NRG3: variants seen among roughly 807,000 people sequenced by gnomAD.
The protein encoded by NRG3 is neuregulin 3.
NRG3 carries 31 observed loss-of-function variants against 66.9 expected under a neutral mutation model. The ratio of observed to expected loss-of-function variants is 0.46; its 90% CI spans 0.35 to 0.63. NRG3 has a LOEUF of 0.63. Ranked by LOEUF, NRG3 falls within the 20% of genes least tolerant of loss-of-function variation. The pLI, the probability that NRG3 is intolerant of heterozygous loss-of-function variation, is 0.00. For synonymous variants in NRG3, 393 were observed against 359.4 expected, an observed-to-expected ratio of 1.09 and a Z score of -1.06; for missense variants, 910 against 878.9, an observed-to-expected ratio of 1.04 and a Z score of -0.45.
At chr10:82,841,994 C>G (rs925751146) in intron 3 of NRG3, among the ~76,000 whole-genome samples, 4 of 152,154 alleles carry the variant, frequency 2.6e-5, no homozygotes, top group Non-Finnish European at 5.9e-5. Context: ...CATCTCGCAG[C>G]TCATCCCTCT....
At position 82,233,763 on chromosome 10, in the gene NRG3, G is replaced by A. The variant is rs570650891; in HGVS notation, c.824-124976G>A. Among the ~76,000 whole-genome samples, 14 of 152,166 alleles carry A rather than the reference G, an allele frequency of 9.2e-5. No homozygotes were observed. In the South Asian group the frequency reaches 2.9e-3, roughly 32 times the overall value. ...CCAGGAGGTCAAACCAGAAACCATT[G>A]GCTTCTTTAATTCCATTACTCTTCC... On this transcript the variant is annotated intron_variant, in intron 1 of 8. Coordinates refer to ENST00000372141, the MANE Select transcript of NRG3 (RefSeq NM_001010848.4).
At chr10:82,959,472 G>C (rs1850393863) in intron 6 of NRG3, among the ~76,000 whole-genome samples, 1 of 152,146 alleles carries the variant, frequency 6.6e-6, no homozygotes, top group Admixed American at 6.5e-5. Context: ...GAAGAAGTGA[G>C]TTCCGAGATA....
At chr10:82,771,813 T>A (rs2059722403) in intron 3 of NRG3, among the ~76,000 whole-genome samples, 1 of 152,150 alleles carries the variant, frequency 6.6e-6, no homozygotes, top group Non-Finnish European at 1.5e-5. Context: ...GCTCATTATT[T>A]TTTTTTCCTC....
chr10:82,572,105 A>G (rs141737471), intron 2 of NRG3, among the ~76,000 whole-genome samples: 356 of 151,886 alleles, frequency 2.3e-3, no homozygotes, highest in African/African-American at 8.1e-3. Context: ...AAATTTCTAA[A>G]GCTAAGGATT....
At chr10:82,258,120 C>T (rs1405900071) in intron 1 of NRG3, among the ~76,000 whole-genome samples, 1 of 152,132 alleles carries the variant, frequency 6.6e-6, no homozygotes, top group Non-Finnish European at 1.5e-5. Flanking sequence ...TAATAGTTGT[C>T]CAGATGCAGC....
rs551155178 is a variant in NRG3, at chr10:82,406,292, A to G, written c.953+47424A>G. 1.4e-4 allele frequency among the ~76,000 whole-genome samples: 21 copies of G among 152,314 alleles called. No individual in the cohort carries two copies. The South Asian group carries it at 4.4e-3, about 32-fold the overall frequency. On this transcript the variant is annotated intron_variant, in intron 2 of 8. Coordinates refer to ENST00000372141, the MANE Select transcript of NRG3 (RefSeq NM_001010848.4). Reference sequence around the variant, plus strand: ...CATAACTAAATTCTCTGATAAATTAATCATAGAACTTATGGGAAATAATTT... The same window carrying G: ...CATAACTAAATTCTCTGATAAATTAGTCATAGAACTTATGGGAAATAATTT...
chr10:82,752,644 T>A (rs984137146), intron 3 of NRG3, among the ~76,000 whole-genome samples: 1 of 152,200 alleles, frequency 6.6e-6, no homozygotes, highest in Non-Finnish European at 1.5e-5. Flanking sequence ...CAAAAATTCA[T>A]ATGTTGAAAC....
At chr10:82,321,725 T>C (rs1487903147) in intron 1 of NRG3, among the ~76,000 whole-genome samples, 1 of 152,254 alleles carries the variant, frequency 6.6e-6, no homozygotes, top group Non-Finnish European at 1.5e-5. Flanking sequence ...GCATAGCTCA[T>C]ATAAGAACAC....
intron 1 of NRG3, among the ~76,000 whole-genome samples, chr10:82,352,545 A>G (rs970263480): frequency 6.6e-6 from 1 of 152,194 alleles, no homozygotes; most frequent in African/African-American, 2.4e-5. Context: ...GGGCAACACT[A>G]TAGAGAGTTT....
At chr10:82,067,442 G>C (rs551859529) in intron 1 of NRG3, among the ~76,000 whole-genome samples, 1 of 152,140 alleles carries the variant, frequency 6.6e-6, no homozygotes, top group Non-Finnish European at 1.5e-5. Context: ...TTCTCTCCCC[G>C]GTTCAAGCCA....
chr10:82,228,577 C>T (rs953626176), intron 1 of NRG3, among the ~76,000 whole-genome samples: 3 of 151,720 alleles, frequency 2.0e-5, no homozygotes, highest in African/African-American at 2.4e-5. Flanking sequence ...TTGAATGTAA[C>T]TGGATATGGT....
chr10:82,702,374 A>G (rs1482784628), intron 2 of NRG3, among the ~76,000 whole-genome samples: 2 of 152,222 alleles, frequency 1.3e-5, no homozygotes, highest in Non-Finnish European at 2.9e-5. Context: ...GAGCAACTCA[A>G]TTTAAAATTT....
intron 3 of NRG3, among the ~76,000 whole-genome samples, chr10:82,851,110 T>A (rs2063540286): frequency 6.6e-6 from 1 of 152,238 alleles, no homozygotes; most frequent in Non-Finnish European, 1.5e-5. Context: ...ACTGCCTTGA[T>A]TAAGCCTTAA....
chr10:82,521,700 G>A (rs1013116884), intron 2 of NRG3, among the ~76,000 whole-genome samples: 6 of 152,088 alleles, frequency 3.9e-5, no homozygotes, highest in African/African-American at 1.4e-4. Flanking sequence ...TCCTCCTTTC[G>A]TGAAAGATTT....
chr10:82,063,873 T>C (rs2064301137), intron 1 of NRG3, among the ~76,000 whole-genome samples: 2 of 152,146 alleles, frequency 1.3e-5, no homozygotes, highest in African/African-American at 4.8e-5. Flanking sequence ...CATGGAAATT[T>C]TACTTCCATT....
intron 1 of NRG3, among the ~76,000 whole-genome samples, chr10:82,074,401 T>C (rs2064977386): frequency 6.6e-6 from 1 of 152,224 alleles, no homozygotes; most frequent in Non-Finnish European, 1.5e-5. Flanking sequence ...TGATCAGAAC[T>C]CATTGGATTG....
intron 2 of NRG3, among the ~76,000 whole-genome samples, chr10:82,605,998 C>G (rs2047940764): frequency 6.6e-6 from 1 of 151,992 alleles, no homozygotes; most frequent in African/African-American, 2.4e-5. Flanking sequence ...ATCAGATTTT[C>G]TCTGTTGATT....
intron 7 of NRG3, among the ~76,000 whole-genome samples, chr10:82,975,588 C>A (rs192394600): frequency 1.2e-4 from 18 of 152,132 alleles, no homozygotes; most frequent in Non-Finnish European, 2.2e-4. Flanking sequence ...GATGGGCAAG[C>A]GTTGACTTAC....
chr10:82,378,794 C>T (rs1280989998), intron 2 of NRG3, among the ~76,000 whole-genome samples: 4 of 152,034 alleles, frequency 2.6e-5, no homozygotes, highest in Non-Finnish European at 5.9e-5. Context: ...TGGTCTCAAA[C>T]TCCAGACCTC....
Sources: gnomAD v4.1 joint callset for allele counts (sites outside exome capture counted in the v4.1 genomes callset) on GRCh38, gnomAD v4.1.1 for gene constraint, MANE v1.5 for transcripts, NCBI Gene and HGNC (gene_info 2026-07-23, HGNC 2026-07-21) for gene names.